Variants in GARS1 observed in about 807,000 individuals in gnomAD.
GARS1 encodes glycine--tRNA ligase.
Under a neutral mutation model 86.4 loss-of-function variants are expected in GARS1, and 46 were observed. The observed-to-expected ratio is 0.53, with a 90% CI of 0.42 to 0.68. The LOEUF is 0.68. GARS1 is among the 30% of genes least tolerant of loss of function. The pLI is 0.00. For synonymous variants in GARS1, 342 were observed against 329.8 expected (o/e 1.04, Z -0.40); for missense variants, 797 against 915.6 (o/e 0.87, Z 1.67).
chr7:30,621,459 A>T lies in GARS1; in HGVS notation c.1426A>T (p.Thr476Ser), dbSNP rs1783005436. The T allele has an allele frequency of 6.2e-7, 1 of 1,614,190 alleles. No homozygotes were observed. The highest frequency in any genetic ancestry group is 8.5e-7 in the Non-Finnish European group (1 of 1,180,028). The change falls in exon 11 of 17, where the codon ACC becomes TCC. Residue 476 changes from threonine (T) to serine (S), a missense_variant. Physicochemically the swap from Thr to Ser is moderately conservative, Grantham distance 58. Around this residue, in one of 2 missense-constraint regions of GARS1, gnomAD observed 598 missense variants for 738.7 expected, o/e 0.81. Coordinates refer to ENST00000389266, the MANE Select transcript of GARS1 (RefSeq NM_002047.4). ...CYDLSCHARA[T>S]KVPLVAEKPL... is the part of the protein sequence containing the mutation. ...TGACCTCTCCTGTCATGCACGAGCC[A>T]CCAAAGTCCCACTTGTAGCTGAGAA...
chr7:30,612,377 A>T, intron 8 of GARS1, 132 bp downstream of exon 8: 1 of 925,108 alleles, frequency 1.1e-6, no homozygotes, highest in Non-Finnish European at 1.7e-6. Flanking sequence ...TCCAAAAATC[A>T]TGTTTTACAT....
At chr7:30,631,159 C>T (rs1170045549) in intron 14 of GARS1, 2 of 337,656 alleles carry the variant, frequency 5.9e-6, no homozygotes, top group Non-Finnish European at 1.1e-5. Context: ...TAGTAACGGG[C>T]TTGTGAAGCA....
chr7:30,606,019 T>C (rs1791477176), intron 6 of GARS1, among the ~76,000 whole-genome samples: 1 of 152,234 alleles, frequency 6.6e-6, no homozygotes, highest in African/African-American at 2.4e-5. Flanking sequence ...ATTAAAATTT[T>C]TTTCAAGAAG....
At chr7:30,617,902 A>G (rs2128134726) in intron 10 of GARS1, among the ~76,000 whole-genome samples, 1 of 152,288 alleles carries the variant, frequency 6.6e-6, no homozygotes, top group East Asian at 1.9e-4. Flanking sequence ...TATTGGTGGC[A>G]GGAGGAAATG....
At chr7:30,611,509 A>T (rs887034395) in intron 7 of GARS1, among the ~76,000 whole-genome samples, 1 of 152,002 alleles carries the variant, frequency 6.6e-6, no homozygotes, top group Non-Finnish European at 1.5e-5. Flanking sequence ...TTTGAGATGG[A>T]GTTTCGCTCT....
rs1562778170 is a variant in GARS1, at chr7:30,617,154, G to GC, written c.1236dup (p.Ile413HisfsTer14). The GC allele has an allele frequency of 6.2e-7, 1 of 1,613,992 alleles. No homozygotes were observed. The highest frequency in any genetic ancestry group is 8.5e-7 in the Non-Finnish European group (1 of 1,179,918). Reference sequence around the variant, plus strand: ...ACAGTATTAGGCTATTTCATTGGCCGCATCTACCTCTACCTCACGAAGGTT... The same window carrying GC: ...ACAGTATTAGGCTATTTCATTGGCCGCCATCTACCTCTACCTCACGAAGGTT... On this transcript the variant is annotated frameshift_variant, in exon 10 of 17. Coordinates refer to ENST00000389266, the MANE Select transcript of GARS1 (RefSeq NM_002047.4). LOFTEE classifies it high-confidence loss of function.
rs564648550 is a variant in GARS1, at chr7:30,632,478, T to C, written c.2094+41T>C. The C allele has an allele frequency of 1.3e-6, 2 of 1,583,194 alleles. No individual in the cohort carries two copies. The highest frequency in any genetic ancestry group is 1.7e-6 in the Non-Finnish European group (2 of 1,152,170). On this transcript the variant is annotated intron_variant, in intron 16 of 16. Coordinates refer to ENST00000389266, the MANE Select transcript of GARS1 (RefSeq NM_002047.4). The surrounding 1 kb of genome is among the most constrained non-coding windows in gnomAD (Gnocchi z 4.1). ...TTTGGCATTTTTAGCCTTAGAAATG[T>C]GTACTGCTTCTTACTGATTTGTGTT...
At chr7:30,603,340 G>C (rs1791418557) in intron 5 of GARS1, among the ~76,000 whole-genome samples, 156 bp from the exon 6 acceptor site, 1 of 152,176 alleles carries the variant, frequency 6.6e-6, no homozygotes, top group South Asian at 2.1e-4. Context: ...AATGAATCAA[G>C]ACAATACCAT....
At chr7:30,626,740 T>A (rs968717293) in intron 13 of GARS1, among the ~76,000 whole-genome samples, 3 of 152,194 alleles carry the variant, frequency 2.0e-5, no homozygotes, top group Non-Finnish European at 2.9e-5. Flanking sequence ...CCCAGCACTT[T>A]GGGAGGCCAA....
intron 1 of GARS1, among the ~76,000 whole-genome samples, chr7:30,596,845 A>T (rs1400405170): frequency 6.6e-6 from 1 of 152,162 alleles, no homozygotes; most frequent in Non-Finnish European, 1.5e-5. Context: ...TTTTTTGTAT[A>T]TGGGGAAATG....
chr7:30,629,119 A>C (rs1053514139), intron 14 of GARS1, among the ~76,000 whole-genome samples: 2 of 152,160 alleles, frequency 1.3e-5, no homozygotes, highest in Non-Finnish European at 2.9e-5. Context: ...TGGGGTAAAG[A>C]TGTGAATTCC....
intron 6 of GARS1, among the ~76,000 whole-genome samples, chr7:30,606,618 C>G (rs1791490639): frequency 6.6e-6 from 1 of 152,100 alleles, no homozygotes; most frequent in South Asian, 2.1e-4. Context: ...ACTAGGAGTT[C>G]TCTGCTGAGT....
At chr7:30,605,345 T>C (rs1042204101) in intron 6 of GARS1, among the ~76,000 whole-genome samples, 10 of 152,274 alleles carry the variant, frequency 6.6e-5, no homozygotes, top group Non-Finnish European at 8.8e-5. Flanking sequence ...CATCTCTGGA[T>C]GTTCCAGTTT....
At chr7:30,611,759 C>T (rs1298237189) in intron 7 of GARS1, among the ~76,000 whole-genome samples, 1 of 152,172 alleles carries the variant, frequency 6.6e-6, no homozygotes, top group African/African-American at 2.4e-5. Flanking sequence ...GCTGGGATTA[C>T]AGGTGTGAGC....
chr7:30,618,000 A>G (rs1410159461), intron 10 of GARS1, among the ~76,000 whole-genome samples: 1 of 152,206 alleles, frequency 6.6e-6, no homozygotes, highest in Non-Finnish European at 1.5e-5. Flanking sequence ...AAGAGACTTT[A>G]GTCCAGGGGT....
rs372221055 is a variant in GARS1 at position 30,601,166 on chromosome 7, G to A, written c.535G>A (p.Asp179Asn). ...CCAAGAGGAACAGATCCTGGAGATC[G>A]ATTGCACCATGCTCACCCCTGAGCC... Reference protein sequence around the residue: ...FIQEEQILEIDCTMLTPEPVL... With the variant: ...FIQEEQILEINCTMLTPEPVL... Residue 179 changes from aspartate to asparagine, a missense_variant, in exon 4 of 17, where the codon GAT (aspartate) becomes AAT (asparagine). Physicochemically the swap from Asp to Asn is conservative, Grantham distance 23. Around this residue, in one of 2 missense-constraint regions of GARS1, gnomAD observed 598 missense variants for 738.7 expected, o/e 0.81. Transcript: ENST00000389266. The A allele has an allele frequency of 5.6e-6, 9 of 1,614,118 alleles. No homozygotes were observed. In the East Asian group the frequency reaches 1.6e-4, roughly 28 times the overall value.
chr7:30,614,703 T>C (rs967324184), intron 8 of GARS1, among the ~76,000 whole-genome samples: 4 of 151,968 alleles, frequency 2.6e-5, no homozygotes, highest in African/African-American at 7.2e-5. Context: ...AGTGAAACCC[T>C]GCCTCTACTA....
In GARS1 at chr7:30,595,135, C is replaced by A. The variant is rs1791218512; in HGVS notation, c.214C>A (p.Arg72Ser). 5 of 1,537,624 alleles carry A rather than the reference C, an allele frequency of 3.3e-6. No homozygotes were observed. The highest frequency in any genetic ancestry group is 4.4e-6 in the Non-Finnish European group (5 of 1,147,224). The change falls in exon 1 of 17, where the codon CGC (arginine) becomes AGC (serine). Residue 72 changes from arginine (R) to serine (S), a missense_variant. By Grantham distance (110) the Arg-to-Ser change is moderately radical. This residue lies in a region of GARS1 where 199 missense variants were observed against 176.9 expected (regional missense o/e 1.12). Transcript: ENST00000389266. ...GCTGGCACCTCTGAGGCTAGCAGTG[C>A]GCCAGCAGGTACCGGTGTTTTGCGC... is the stretch of plus-strand genomic sequence containing the variant. ...EVLAPLRLAV[R>S]QQGDLVRKLK...
intron 12 of GARS1, among the ~76,000 whole-genome samples, chr7:30,625,036 A>G (rs898692504): frequency 2.6e-5 from 4 of 151,914 alleles, no homozygotes; most frequent in Non-Finnish European, 4.4e-5. Context: ...TCTGCTTCCC[A>G]GGTTCAAGCA....
Sources: gnomAD v4.1 joint callset for allele counts (sites outside exome capture counted in the v4.1 genomes callset) on GRCh38, gnomAD v4.1.1 for gene constraint, gnomAD v4.1.1 regional missense constraint, Gnocchi (gnomAD v3.1) non-coding constraint, MANE v1.5 for transcripts, NCBI Gene and HGNC (gene_info 2026-07-23, HGNC 2026-07-21) for gene names.